The following OLFM3 variants were observed in gnomAD, a reference collection of about 807,000 sequenced individuals.
OLFM3 encodes noelin-3.
In OLFM3, 20 loss-of-function variants were observed where a neutral mutation model predicts 48.6. The ratio of observed to expected loss-of-function variants is 0.41; its 90% CI spans 0.29 to 0.60. OLFM3 has a LOEUF of 0.60. Among genes scored for constraint, OLFM3 ranks in the 20% least tolerant of loss-of-function variants. The pLI is 0.28. For synonymous variants in OLFM3, 222 were observed against 198.1 expected (o/e 1.12, Z -1.01); for missense variants, 437 against 544.3 (o/e 0.80, Z 1.96).
chr1:101,995,491 ACAATCAAAGCTTTAAAATAAAATGAAT>A (rs1236799788), intron 1 of OLFM3, among the ~76,000 whole-genome samples: 1 of 152,144 alleles, frequency 6.6e-6, no homozygotes. Context: ...TAATACCAGT[ACAATCAAAGCTTTAAAATAAAATGAAT>A]TTATTCTCAT....
intron 1 of OLFM3, among the ~76,000 whole-genome samples, chr1:101,992,335 A>G (rs1661435628): frequency 6.6e-6 from 1 of 152,200 alleles, no homozygotes; most frequent in East Asian, 1.9e-4. Context: ...TACTTCTTCC[A>G]CAATAAAAGT....
At chr1:101,829,031 C>T (rs1655018596) in intron 3 of OLFM3, among the ~76,000 whole-genome samples, 1 of 152,146 alleles carries the variant, frequency 6.6e-6, no homozygotes, top group South Asian at 2.1e-4. Context: ...TCCCTTTGTG[C>T]TCATAAGTAA....
intron 1 of OLFM3, among the ~76,000 whole-genome samples, chr1:101,877,672 G>T (rs561700747): frequency 1.1e-4 from 16 of 147,570 alleles, no homozygotes; most frequent in Non-Finnish European, 7.5e-5. Context: ...TTATCAACCT[G>T]TTTTTTTTTT....
At chr1:101,900,052 T>C (rs1397772000) in intron 1 of OLFM3, among the ~76,000 whole-genome samples, 1 of 152,200 alleles carries the variant, frequency 6.6e-6, no homozygotes, top group Non-Finnish European at 1.5e-5. Flanking sequence ...TGAAATATTA[T>C]AGGATATTCC....
At chr1:101,884,593 T>C (rs1471504723) in intron 1 of OLFM3, among the ~76,000 whole-genome samples, 8 of 152,084 alleles carry the variant, frequency 5.3e-5, no homozygotes, top group Admixed American at 3.3e-4. Flanking sequence ...AGTAATAGGC[T>C]AACTGTAATA....
intron 1 of OLFM3, among the ~76,000 whole-genome samples, chr1:101,852,879 C>T (rs1333582132): frequency 3.3e-5 from 5 of 152,040 alleles, no homozygotes; most frequent in African/African-American, 9.7e-5. Flanking sequence ...AGTGTCTACT[C>T]TCAAAATATA....
At chr1:101,896,670 A>ATTTT (rs3079210) in intron 1 of OLFM3, among the ~76,000 whole-genome samples, 2 of 105,672 alleles carry the variant, frequency 1.9e-5, no homozygotes, top group Non-Finnish European at 3.8e-5. Context: ...GATTTTTTGT[A>ATTTT]TTTTTTTTTT....
intron 1 of OLFM3, among the ~76,000 whole-genome samples, chr1:101,859,566 T>A (rs1656566728): frequency 6.6e-6 from 1 of 152,124 alleles, no homozygotes; most frequent in African/African-American, 2.4e-5. Context: ...GTGTTTTGGA[T>A]TTTGAAATAT....
intron 1 of OLFM3, among the ~76,000 whole-genome samples, chr1:101,853,544 G>C (rs950740852): frequency 1.3e-4 from 20 of 152,110 alleles, no homozygotes; most frequent in African/African-American, 3.1e-4. Flanking sequence ...AATGATTCCT[G>C]GTTTCTTTAC....
intron 1 of OLFM3, among the ~76,000 whole-genome samples, chr1:101,861,189 G>A (rs974024533): frequency 2.0e-5 from 3 of 151,966 alleles, no homozygotes; most frequent in Non-Finnish European, 4.4e-5. Flanking sequence ...GGCCACCCGA[G>A]TAGCTGGGAC....
chr1:101,990,635 CA>C (rs1661372093), intron 1 of OLFM3, among the ~76,000 whole-genome samples: 1 of 151,998 alleles, frequency 6.6e-6, no homozygotes. Context: ...TTTGGAAGTA[CA>C]AAATTTAAAA....
In OLFM3 at chr1:101,933,228, A is replaced by G. The variant is rs531839463; in HGVS notation, c.69+63520T>C. 3.0e-3 allele frequency among the ~76,000 whole-genome samples: 429 copies of G among 144,136 alleles called. 4 individuals carry two copies. Among genetic ancestry groups the G allele is most frequent in the African/African-American group, 0.01 (390 of 38,960 alleles). 94.6% of individuals were successfully genotyped at this position (144,136 alleles called of 152,430 possible). On this transcript the variant is annotated intron_variant, in intron 1 of 5. Transcript: ENST00000370103. ...AAAAAAAAAAAAAAAAAAAAAAAAA[A>G]AGAGAAAAAAGATGAAATGGGAATT...
At chr1:101,983,924 T>C (rs967907853) in intron 1 of OLFM3, among the ~76,000 whole-genome samples, 1 of 152,070 alleles carries the variant, frequency 6.6e-6, no homozygotes, top group Non-Finnish European at 1.5e-5. Flanking sequence ...ATGACAGCGA[T>C]GGAGAAGGAA....
chr1:101,916,450 C>T (rs749334338), intron 1 of OLFM3, among the ~76,000 whole-genome samples: 6 of 151,418 alleles, frequency 4.0e-5, no homozygotes, highest in Non-Finnish European at 8.8e-5. Context: ...TGATCTAAGA[C>T]AGTTAATGTT....
chr1:101,809,512 T>A (rs1199402053), intron 4 of OLFM3, among the ~76,000 whole-genome samples: 1 of 151,916 alleles, frequency 6.6e-6, no homozygotes. Context: ...TACAATGAAC[T>A]CTTTCTTCAG....
chr1:101,869,197 A>T (rs1268279345), intron 1 of OLFM3, among the ~76,000 whole-genome samples: 1 of 152,150 alleles, frequency 6.6e-6, no homozygotes, highest in Non-Finnish European at 1.5e-5. Context: ...TGCACCTGGG[A>T]AAACTGCAGG....
chr1:101,916,245 C>T (rs1241008897), intron 1 of OLFM3, among the ~76,000 whole-genome samples: 1 of 152,100 alleles, frequency 6.6e-6, no homozygotes, highest in Non-Finnish European at 1.5e-5. Flanking sequence ...CAGATATTAT[C>T]ATTCCCCTCT....
intron 1 of OLFM3, among the ~76,000 whole-genome samples, chr1:101,979,832 G>A (rs1661056920): frequency 6.6e-6 from 1 of 152,220 alleles, no homozygotes; most frequent in African/African-American, 2.4e-5. Flanking sequence ...CTGTGCACCT[G>A]GAAAAGCTGC....
chr1:101,878,172 T>G (rs1201136875), intron 1 of OLFM3, among the ~76,000 whole-genome samples: 9 of 151,942 alleles, frequency 5.9e-5, no homozygotes, highest in Admixed American at 5.9e-4. Flanking sequence ...ATTTATGTCT[T>G]AGAGACATTT....
Sources: allele counts gnomAD v4.1 joint callset (sites outside exome capture counted in the v4.1 genomes callset), GRCh38; gene constraint gnomAD v4.1.1; transcripts MANE v1.5; gene names NCBI Gene and HGNC (gene_info 2026-07-23, HGNC 2026-07-21).